ITGA11: variants seen among roughly 807,000 people sequenced by gnomAD.
The protein encoded by ITGA11 is integrin subunit alpha 11.
ITGA11 carries 97 observed loss-of-function variants against 141.9 expected under a neutral mutation model. The ratio of observed to expected loss-of-function variants is 0.68; its 90% CI spans 0.58 to 0.81. The LOEUF is 0.81. ITGA11 is among the 30% of genes least tolerant of loss of function. The pLI is 0.00. For synonymous variants in ITGA11, 658 were observed against 624.6 expected, an observed-to-expected ratio of 1.05 and a Z score of -0.80; for missense variants, 1,387 against 1,559.2, an observed-to-expected ratio of 0.89 and a Z score of 1.86.
rs1383921342 is a variant in ITGA11 at position 68,348,692 on chromosome 15, C to A, written c.1131+138G>T. On this transcript the variant is annotated intron_variant, in intron 10 of 29. Coordinates refer to ENST00000315757, the MANE Select transcript of ITGA11 (RefSeq NM_001004439.2). The stretch of plus-strand genomic sequence containing the variant: ...CCACAGAAGATGGGAGGCAGAGAGA[C>A]CCCAAGAAAGAGAGAAAGTGAGGAG... 3 of 714,948 alleles carry A rather than the reference C, an allele frequency of 4.2e-6. No individual in the cohort carries two copies. The East Asian group carries it at 8.2e-5, about 19-fold the overall frequency. The allele number at this position is 714,948 out of a possible 1,614,324, so 44.3% of individuals were successfully genotyped here. A position where few individuals can be genotyped will look rare whatever the true frequency, so the allele number is the denominator to read the frequency against.
At chr15:68,315,128 GGA>G (rs1274848152) in intron 22 of ITGA11, among the ~76,000 whole-genome samples, 4 of 152,176 alleles carry the variant, frequency 2.6e-5, no homozygotes, top group African/African-American at 4.8e-5. Context: ...TAGAAAAAGG[GGA>G]GAGAGGTGAC....
At position 68,322,497 on chromosome 15, in the gene ITGA11, G is replaced by A. The variant is rs556526987; in HGVS notation, c.2323-994C>T. Among the ~76,000 whole-genome samples the A allele has an allele frequency of 2.6e-5, 4 of 152,256 alleles. No homozygotes were observed. Among genetic ancestry groups the A allele is most frequent in the South Asian group, 4.2e-4 (2 of 4,814 alleles). ...GGAACCTGGAGGTTGTCGGGGCTGA[G>A]GGAGAAAGGGGTCCAGGGTGTCAGC... is the stretch of plus-strand genomic sequence containing the variant. On this transcript the variant is annotated intron_variant, in intron 18 of 29. Transcript: ENST00000315757. The surrounding 1 kb of genome is among the most constrained non-coding windows in gnomAD (Gnocchi z 5.6).
chr15:68,431,795 A>C (rs540550448), intron 1 of ITGA11, among the ~76,000 whole-genome samples: 46 of 152,210 alleles, frequency 3.0e-4, no homozygotes, highest in African/African-American at 4.1e-4. Context: ...AAACACACCA[A>C]AGAGTCCCGG....
chr15:68,358,114 G>T (rs1895126213), intron 6 of ITGA11, among the ~76,000 whole-genome samples: 2 of 152,120 alleles, frequency 1.3e-5, no homozygotes, highest in African/African-American at 4.8e-5. Context: ...TTCCCTCCAT[G>T]ACCTGTATGT....
intron 3 of ITGA11, among the ~76,000 whole-genome samples, chr15:68,367,221 G>T (rs1397601211): frequency 1.3e-5 from 2 of 152,042 alleles, no homozygotes; most frequent in African/African-American, 4.8e-5. Flanking sequence ...GAGAGAAATG[G>T]GGTCCACATT....
chr15:68,335,590 C>T lies in ITGA11; in HGVS notation c.1425+107G>A. 1.5e-6 allele frequency: 2 copies of T among 1,308,528 alleles called. No individual in the cohort carries two copies. The allele number at this position is 1,308,528 out of a possible 1,614,324, so 81.1% of individuals were successfully genotyped here. A position where few individuals can be genotyped will look rare whatever the true frequency, so the allele number is the denominator to read the frequency against. ...AAGGTGGCTGGAGGAACATGACTGC[C>T]CTTTGGGGCACCCAGTGGTCCAGGC... is the stretch of plus-strand genomic sequence containing the variant. On this transcript the variant is annotated intron_variant, in intron 12 of 29. Transcript: ENST00000315757. The surrounding 1 kb of genome is among the most constrained non-coding windows in gnomAD (Gnocchi z 4.9).
chr15:68,426,666 C>A (rs1223454633), intron 1 of ITGA11, among the ~76,000 whole-genome samples: 1 of 152,132 alleles, frequency 6.6e-6, no homozygotes, highest in Non-Finnish European at 1.5e-5. Context: ...GAAGACACCT[C>A]CTTTAACAAG....
At chr15:68,357,363 T>G in intron 6 of ITGA11, 64 bp from the exon 7 acceptor site, 1 of 1,551,572 alleles carries the variant, frequency 6.4e-7, no homozygotes, top group South Asian at 1.2e-5. Flanking sequence ...CCTTAGAATT[T>G]GAGAGTGAGG....
At position 68,299,348 on chromosome 15, in the gene ITGA11, C is replaced by T. The variant is rs1239111073; in HGVS notation, c.*3711G>A. 1 of 151,652 alleles carries T rather than the reference C, an allele frequency of 6.6e-6. No individual in the cohort carries two copies. The highest frequency in any genetic ancestry group is 2.4e-5 in the African/African-American group (1 of 41,234). 9.4% of individuals were successfully genotyped at this position (151,652 alleles called of 1,614,324 possible). A position where few individuals can be genotyped will look rare whatever the true frequency, so the allele number is the denominator to read the frequency against. On this transcript the variant is annotated 3_prime_UTR_variant, in exon 30 of 30. Transcript: ENST00000315757. ...AAGCACTGTGCAGATTTTAACGTGG[C>T]CAGTTAGGCCTGGCTGTCCTTTGAG...
intron 5 of ITGA11, among the ~76,000 whole-genome samples, chr15:68,360,187 C>T (rs1895196366): frequency 6.6e-6 from 1 of 152,198 alleles, no homozygotes; most frequent in African/African-American, 2.4e-5. Flanking sequence ...AGTTCGGCTC[C>T]ACACATGTGG....
At chr15:68,395,014 C>A (rs1029145111) in intron 2 of ITGA11, among the ~76,000 whole-genome samples, 3 of 152,194 alleles carry the variant, frequency 2.0e-5, no homozygotes, top group African/African-American at 7.2e-5. Flanking sequence ...TGAGCCTCCA[C>A]TGGTGATATC....
chr15:68,312,011 C>T (rs1595851787), intron 24 of ITGA11, among the ~76,000 whole-genome samples: 1 of 152,130 alleles, frequency 6.6e-6, no homozygotes, highest in African/African-American at 2.4e-5. Flanking sequence ...CAGGGCTCAG[C>T]ATGTCTGAAG....
At chr15:68,421,338 C>T (rs571221178) in intron 1 of ITGA11, among the ~76,000 whole-genome samples, 25 of 152,178 alleles carry the variant, frequency 1.6e-4, no homozygotes, top group Middle Eastern at 3.4e-3. Flanking sequence ...AGGGGTGGAG[C>T]GGAGTGAGCC....
chr15:68,326,617 A>C lies in ITGA11; in HGVS notation c.2211+37T>G. ...TCCCACGGCAGATGCTCCTTCCTATAGGAGCTTGGGCTCTGCTGGTGGGGC... is the reference window on the plus strand; with the variant it reads ...TCCCACGGCAGATGCTCCTTCCTATCGGAGCTTGGGCTCTGCTGGTGGGGC... On this transcript the variant is annotated intron_variant, in intron 17 of 29. Coordinates refer to ENST00000315757, the MANE Select transcript of ITGA11 (RefSeq NM_001004439.2). This position sits in a 1 kb window ranked among gnomAD's most constrained non-coding sequence, Gnocchi z 6.8. The C allele has an allele frequency of 6.4e-7, 1 of 1,556,628 alleles. No homozygotes were observed. The highest frequency in any genetic ancestry group is 8.7e-7 in the Non-Finnish European group (1 of 1,149,518).
chr15:68,385,512 T>C (rs984714204), intron 2 of ITGA11, among the ~76,000 whole-genome samples: 7 of 152,226 alleles, frequency 4.6e-5, no homozygotes, highest in African/African-American at 1.4e-4. Flanking sequence ...GTTTTAGACA[T>C]GGAAGACCCT....
At chr15:68,374,551 A>G (rs1381275924) in intron 2 of ITGA11, among the ~76,000 whole-genome samples, 1 of 152,236 alleles carries the variant, frequency 6.6e-6, no homozygotes, top group East Asian at 1.9e-4. Flanking sequence ...CATGGAGGGC[A>G]GAAAGCCTAG....
rs1555444826 is a variant in ITGA11 at position 68,302,115 on chromosome 15, T to TGTGTG, written c.*943_*944insCACAC. On this transcript the variant is annotated 3_prime_UTR_variant, in exon 30 of 30. Transcript: ENST00000315757. ...GTGTGTGTGTGTGTGTGTGTGTGTG[T>TGTGTG]AGGGAGGGGGTGATACAGGGAGGGG... is the stretch of plus-strand genomic sequence containing the variant. 10 of 133,150 alleles carry TGTGTG rather than the reference T, an allele frequency of 7.5e-5. No homozygotes were observed. Among genetic ancestry groups the TGTGTG allele is most frequent in the South Asian group, 2.5e-4 (1 of 4,080 alleles). 8.2% of individuals were successfully genotyped at this position (133,150 alleles called of 1,614,324 possible).
chr15:68,354,928 C>T (rs1245247856), intron 7 of ITGA11, among the ~76,000 whole-genome samples: 3 of 152,154 alleles, frequency 2.0e-5, no homozygotes, highest in Non-Finnish European at 2.9e-5. Context: ...TAAAAGGCAC[C>T]AGCTGTAGTT....
intron 20 of ITGA11, among the ~76,000 whole-genome samples, chr15:68,318,609 G>C (rs1247445660): frequency 6.6e-6 from 1 of 152,186 alleles, no homozygotes; most frequent in Non-Finnish European, 1.5e-5. Context: ...GGATGGGGGA[G>C]CCCACTGAGG....
Sources: allele counts gnomAD v4.1 joint callset (sites outside exome capture counted in the v4.1 genomes callset), GRCh38; gene constraint gnomAD v4.1.1; non-coding constraint Gnocchi (gnomAD v3.1); transcripts MANE v1.5; gene names NCBI Gene and HGNC (gene_info 2026-07-23, HGNC 2026-07-21).